The following STOX1 variants were observed in gnomAD, a reference collection of about 807,000 sequenced individuals.
The protein encoded by STOX1 is storkhead box 1.
Under a neutral mutation model 74.8 loss-of-function variants are expected in STOX1, and 57 were observed. The ratio of observed to expected loss-of-function variants is 0.76; its 90% CI spans 0.62 to 0.95. STOX1 has a LOEUF of 0.95. Ranked by LOEUF, STOX1 falls within the 40% of genes least tolerant of loss-of-function variation. STOX1 has a pLI of 0.00. For missense variants in STOX1, 1,010 were observed against 1,117.0 expected (o/e 0.90, Z 1.37); for synonymous variants, 375 against 401.3 (o/e 0.93, Z 0.78).
chr10:68,890,512 C>T lies in STOX1; in HGVS notation c.2823-2077C>T, dbSNP rs114276685. Among the ~76,000 whole-genome samples the T allele has an allele frequency of 9.4e-3, 1,435 of 152,204 alleles. 22 individuals are homozygous for T. Among genetic ancestry groups the T allele is most frequent in the African/African-American group, 0.033 (1,351 of 41,534 alleles). On this transcript the variant is annotated intron_variant, in intron 3 of 3. Transcript: ENST00000298596. The stretch of plus-strand genomic sequence containing the variant: ...ATCATTCCCAATTTTTTGCTATTAA[C>T]AAATCAATCTGCAGTGAGTTATTTT...
intron 3 of STOX1, among the ~76,000 whole-genome samples, chr10:68,889,816 G>C (rs1841055523): frequency 6.6e-6 from 1 of 151,896 alleles, no homozygotes; most frequent in African/African-American, 2.4e-5. Context: ...ACTCGTCTCA[G>C]CCTCCAAAGT....
chr10:68,832,848 C>T (rs1471401179), intron 1 of STOX1, among the ~76,000 whole-genome samples: 2 of 151,954 alleles, frequency 1.3e-5, no homozygotes, highest in Non-Finnish European at 2.9e-5. Flanking sequence ...ACTGCAGCTT[C>T]GACCTCCTGG....
At chr10:68,864,453 C>G (rs151132672) in intron 1 of STOX1, among the ~76,000 whole-genome samples, 7,494 of 152,216 alleles carry the variant, frequency 0.049, 234 homozygotes, top group Middle Eastern at 0.1. Flanking sequence ...AATGGGTTTG[C>G]CAAGTAAGAC....
intron 1 of STOX1, among the ~76,000 whole-genome samples, chr10:68,842,963 A>G (rs534790788): frequency 2.0e-5 from 3 of 152,296 alleles, no homozygotes; most frequent in South Asian, 2.1e-4. Context: ...TATTCATTTG[A>G]TGGAAGGGAG....
intron 1 of STOX1, among the ~76,000 whole-genome samples, chr10:68,872,587 T>C (rs1372361650): frequency 6.6e-6 from 1 of 152,178 alleles, no homozygotes; most frequent in African/African-American, 2.4e-5. Flanking sequence ...CCTCAGGTGA[T>C]TGGCCCACCT....
intron 1 of STOX1, among the ~76,000 whole-genome samples, chr10:68,846,028 T>C (rs991585195): frequency 6.6e-6 from 1 of 151,996 alleles, no homozygotes; most frequent in Non-Finnish European, 1.5e-5. Context: ...TGTGAGCCAC[T>C]GTGCCCACCT....
At position 68,886,418 on chromosome 10, in the gene STOX1, T is replaced by C; in HGVS notation, c.2622T>C (p.Ile874=). 4 of 1,614,234 alleles carry C rather than the reference T, an allele frequency of 2.5e-6. No homozygotes were observed. In the South Asian group the frequency reaches 4.4e-5, roughly 18 times the overall value. ...SFEAEVIQDT[I]GDTGKKPASW... is the part of the protein sequence containing the mutation. ...AAGCTGAAGTCATACAAGACACTAT[T>C]GGTGACACAGGAAAGAAGCCAGCTA... The change falls in exon 3 of 4, where the codon ATT becomes ATC. Residue 874 remains isoleucine, a synonymous_variant. Coordinates refer to ENST00000298596, the MANE Select transcript of STOX1 (RefSeq NM_152709.5).
intron 1 of STOX1, among the ~76,000 whole-genome samples, chr10:68,864,740 A>G (rs1422676145): frequency 2.6e-5 from 4 of 152,178 alleles, no homozygotes; most frequent in African/African-American, 9.7e-5. Context: ...GGCCTTATGG[A>G]CTTGCTTTTC....
chr10:68,852,371 G>A (rs956340612), intron 1 of STOX1, among the ~76,000 whole-genome samples: 12 of 145,378 alleles, frequency 8.3e-5, no homozygotes, highest in African/African-American at 3.1e-4. Flanking sequence ...CCATTCTCCT[G>A]CCTCAGCCTC....
intron 1 of STOX1, among the ~76,000 whole-genome samples, chr10:68,831,037 C>A (rs1431535843): frequency 6.6e-6 from 1 of 152,172 alleles, no homozygotes; most frequent in Admixed American, 6.6e-5. Flanking sequence ...TTGCCTCTTG[C>A]AGCACTGACT....
chr10:68,844,294 CTTTTTTTT>C (rs777175392), intron 1 of STOX1, among the ~76,000 whole-genome samples: 4 of 104,706 alleles, frequency 3.8e-5, no homozygotes, highest in Non-Finnish European at 7.2e-5. Context: ...TCTGGATCTT[CTTTTTTTT>C]TTTTTTTTTT....
At position 68,880,306 on chromosome 10, in the gene STOX1, C is replaced by T. The variant is rs545781375; in HGVS notation, c.311-1652C>T. On this transcript the variant is annotated intron_variant, in intron 1 of 3. Coordinates refer to ENST00000298596, the MANE Select transcript of STOX1 (RefSeq NM_152709.5). Reference sequence around the variant, plus strand: ...CAAGTAATCCTCGCACCTTAGCCCCCTAGCAGCTACGACAGGCACACCACC... The same window carrying T: ...CAAGTAATCCTCGCACCTTAGCCCCTTAGCAGCTACGACAGGCACACCACC... Among the ~76,000 whole-genome samples the T allele has an allele frequency of 3.7e-4, 56 of 152,044 alleles. No individual in the cohort carries two copies. The Middle Eastern group carries it at 0.01, about 28-fold the overall frequency.
In STOX1 at chr10:68,827,799, G is replaced by C. The variant is rs1839300077; in HGVS notation, c.176G>C (p.Arg59Pro). The C allele has an allele frequency of 5.7e-6, 3 of 529,992 alleles. No individual in the cohort carries two copies. The highest frequency in any genetic ancestry group is 3.4e-5 in the African/African-American group (1 of 29,720). The allele number at this position is 529,992 out of a possible 1,614,324, so 32.8% of individuals were successfully genotyped here. A position where few individuals can be genotyped will look rare whatever the true frequency, so the allele number is the denominator to read the frequency against. The change falls in exon 1 of 4, where the codon CGG (arginine) becomes CCG (proline). Residue 59 changes from arginine (R) to proline (P), a missense_variant. By Grantham distance (103) the Arg-to-Pro change is moderately radical (BLOSUM62 -2). Coordinates refer to ENST00000298596, the MANE Select transcript of STOX1 (RefSeq NM_152709.5). ...WNARLARAAS[R>P]LAFQGWLRRG... ...GCGCGGCTGGCGCGCGCCGCCTCGCGGCTGGCCTTCCAGGGCTGGCTGCGG... is the reference window on the plus strand; with the variant it reads ...GCGCGGCTGGCGCGCGCCGCCTCGCCGCTGGCCTTCCAGGGCTGGCTGCGG...
intron 1 of STOX1, among the ~76,000 whole-genome samples, chr10:68,830,369 G>C (rs1464424076): frequency 6.6e-6 from 1 of 152,056 alleles, no homozygotes; most frequent in African/African-American, 2.4e-5. Context: ...GTTTGACAGA[G>C]TCTCTCTCTG....
chr10:68,845,705 G>T (rs542321548), intron 1 of STOX1, among the ~76,000 whole-genome samples: 2 of 150,574 alleles, frequency 1.3e-5, no homozygotes, highest in East Asian at 2.0e-4. Context: ...GGGTTCAAGC[G>T]ATTCTTCTGT....
At chr10:68,891,532 A>G (rs1841096870) in intron 3 of STOX1, among the ~76,000 whole-genome samples, 1 of 152,124 alleles carries the variant, frequency 6.6e-6, no homozygotes, top group Non-Finnish European at 1.5e-5. Context: ...GGCTGGACGC[A>G]GTGGCTCACG....
chr10:68,862,830 C>A (rs1410629201), intron 1 of STOX1, among the ~76,000 whole-genome samples: 1 of 152,104 alleles, frequency 6.6e-6, no homozygotes, highest in Non-Finnish European at 1.5e-5. Context: ...TCTGCCTATT[C>A]TGCAATGCAA....
At chr10:68,869,048 C>G (rs1377542191) in intron 1 of STOX1, among the ~76,000 whole-genome samples, 1 of 152,214 alleles carries the variant, frequency 6.6e-6, no homozygotes, top group Non-Finnish European at 1.5e-5. Context: ...CCCGTGCTGC[C>G]TTAGTGGCCC....
At chr10:68,842,540 T>TC (rs1263309768) in intron 1 of STOX1, among the ~76,000 whole-genome samples, 8 of 138,956 alleles carry the variant, frequency 5.8e-5, no homozygotes, top group African/African-American at 2.1e-4. Flanking sequence ...CCATTTCTTT[T>TC]TTTTTTTTTT....
Sources: gnomAD v4.1 joint callset for allele counts (sites outside exome capture counted in the v4.1 genomes callset) on GRCh38, gnomAD v4.1.1 for gene constraint, MANE v1.5 for transcripts, NCBI Gene and HGNC (gene_info 2026-07-23, HGNC 2026-07-21) for gene names.